Variants in PKHD1L1 observed in about 807,000 individuals in gnomAD.
PKHD1L1 encodes the protein fibrocystin-L.
In PKHD1L1, 434 loss-of-function variants were observed where a neutral mutation model predicts 462.9. The ratio of observed to expected loss-of-function variants is 0.94; its 90% confidence interval spans 0.87 to 1.02. The LOEUF (loss-of-function observed/expected upper bound fraction) is 1.02. PKHD1L1 is among the 50% of genes least tolerant of loss of function. The pLI is 0.00. For missense variants in PKHD1L1, 5,202 were observed against 5,096.1 expected (o/e 1.02, Z -0.63); for synonymous variants, 1,781 against 1,750.0 (o/e 1.02, Z -0.44).
In PKHD1L1 at chr8:109,382,659, A is replaced by G. The variant is rs575595019; in HGVS notation, c.417+88A>G. 4.2e-4 allele frequency: 388 copies of G among 913,830 alleles called. 11 individuals carry two copies. The South Asian group carries it at 8.2e-3, about 19-fold the overall frequency. The allele number at this position is 913,830 out of a possible 1,614,324, so 56.6% of individuals were successfully genotyped here. A position where few individuals can be genotyped will look rare whatever the true frequency, so the allele number is the denominator to read the frequency against. ...GAATTTTTCCTTTTTAGTTTTATAG[A>G]CTATTTCCACATTTAAAAATACATT... On this transcript the variant is annotated intron_variant, in intron 4 of 77. Coordinates refer to ENST00000378402, the MANE Select transcript of PKHD1L1 (RefSeq NM_177531.6).
intron 58 of PKHD1L1, 56 bp from the exon 59 acceptor site, chr8:109,486,592 A>G: frequency 6.5e-7 from 1 of 1,541,390 alleles, no homozygotes. Flanking sequence ...CAAAGGAACT[A>G]GTAAAGACAG....
At chr8:109,456,972 T>G (rs185061987) in intron 46 of PKHD1L1, among the ~76,000 whole-genome samples, 11 of 152,258 alleles carry the variant, frequency 7.2e-5, no homozygotes, top group African/African-American at 2.4e-4. Flanking sequence ...CCGAAACTAC[T>G]TATGACCCTT....
intron 21 of PKHD1L1, 70 bp from the exon 22 acceptor site, chr8:109,419,027 T>C: frequency 7.6e-7 from 1 of 1,316,484 alleles, no homozygotes; most frequent in Non-Finnish European, 1.0e-6. Context: ...AAAATTTTAA[T>C]GCTTTCTAAA....
At chr8:109,411,885 C>T (rs1340399866) in intron 19 of PKHD1L1, among the ~76,000 whole-genome samples, 1 of 152,100 alleles carries the variant, frequency 6.6e-6, no homozygotes, top group Non-Finnish European at 1.5e-5. Flanking sequence ...GACGGGTGGC[C>T]TCTATCTACA....
intron 7 of PKHD1L1, 90 bp from the exon 8 acceptor site, chr8:109,388,989 C>A (rs898554393): frequency 9.2e-6 from 8 of 868,062 alleles, no homozygotes; most frequent in Non-Finnish European, 1.2e-5. Context: ...GATTCATATT[C>A]TGAAATTAAT....
chr8:109,476,122 T>C lies in PKHD1L1; in HGVS notation c.8758-386T>C, dbSNP rs542748103. 1.1e-4 allele frequency among the ~76,000 whole-genome samples: 16 copies of C among 152,118 alleles called. No homozygotes were observed. The South Asian group carries it at 1.9e-3, about 18-fold the overall frequency. ...AACATTATAGAAATAAAATATTGTC[T>C]ACAATTTTATCTGTCAGTTTTTAAA... On this transcript the variant is annotated intron_variant, in intron 51 of 77. Coordinates refer to ENST00000378402, the MANE Select transcript of PKHD1L1 (RefSeq NM_177531.6).
intron 23 of PKHD1L1, among the ~76,000 whole-genome samples, chr8:109,422,304 C>G (rs1814514613): frequency 6.6e-6 from 1 of 151,716 alleles, no homozygotes; most frequent in African/African-American, 2.4e-5. Context: ...CAGAACAGTT[C>G]TATTACGAGC....
intron 55 of PKHD1L1, 89 bp from the exon 56 acceptor site, chr8:109,481,344 C>A: frequency 1.7e-6 from 2 of 1,211,178 alleles, no homozygotes; most frequent in Non-Finnish European, 1.1e-6. Context: ...TTTTACTAGG[C>A]TTCCAGTGAC....
rs181639001 is a variant in PKHD1L1 at position 109,526,701 on chromosome 8, A to G, written c.12485-83A>G. 234 of 1,170,306 alleles carry G rather than the reference A, an allele frequency of 2.0e-4. 1 individual carries two copies. The African/African-American group carries it at 3.0e-3, about 15-fold the overall frequency. The allele number at this position is 1,170,306 out of a possible 1,614,324, so 72.5% of individuals were successfully genotyped here. A position where few individuals can be genotyped will look rare whatever the true frequency, so the allele number is the denominator to read the frequency against. ...CATCAGGATCTATATAGTGTTTTTC[A>G]GTCAATGAAAATCAAATGGGAACGG... On this transcript the variant is annotated intron_variant, in intron 76 of 77. Coordinates refer to ENST00000378402, the MANE Select transcript of PKHD1L1 (RefSeq NM_177531.6).
intron 2 of PKHD1L1, among the ~76,000 whole-genome samples, chr8:109,369,922 G>C (rs1230573104): frequency 6.6e-6 from 1 of 152,048 alleles, no homozygotes; most frequent in Non-Finnish European, 1.5e-5. Context: ...TTTAGTTTAT[G>C]CCGGATGAGT....
chr8:109,394,444 T>C lies in PKHD1L1; in HGVS notation c.770T>C (p.Val257Ala). ...RSFPQKMAYF[V>A]SSLNKIAMFQ... Reference sequence around the variant, plus strand: ...TTTCCACAGAAAATGGCATATTTTGTTTCTTCTCTCAATAAAATTGCAATG... The same window carrying C: ...TTTCCACAGAAAATGGCATATTTTGCTTCTTCTCTCAATAAAATTGCAATG... Residue 257 changes from valine to alanine, a missense_variant, in exon 10 of 78, where the codon GTT (valine) becomes GCT (alanine). Physicochemically the swap from Val to Ala is moderately conservative, Grantham distance 64 (BLOSUM62 0). Around this residue, in one of 3 missense-constraint regions of PKHD1L1, gnomAD observed 4,497 missense variants for 4,336.8 expected, o/e 1.04. Transcript: ENST00000378402. 6.5e-7 allele frequency: 1 copy of C among 1,531,196 alleles called. No individual in the cohort carries two copies. The highest frequency in any genetic ancestry group is 8.8e-7 in the Non-Finnish European group (1 of 1,134,566). The allele number at this position is 1,531,196 out of a possible 1,614,324, so 94.9% of individuals were successfully genotyped here.
chr8:109,383,310 A>T (rs1359330439), intron 4 of PKHD1L1, among the ~76,000 whole-genome samples: 9 of 108,984 alleles, frequency 8.3e-5, no homozygotes, highest in African/African-American at 3.4e-4. Context: ...ATACAATTAT[A>T]CATAATATAT....
intron 50 of PKHD1L1, among the ~76,000 whole-genome samples, chr8:109,473,518 G>GAA (rs1018548199): frequency 6.9e-5 from 9 of 131,098 alleles, no homozygotes; most frequent in Non-Finnish European, 3.3e-5. Flanking sequence ...TCCATCTCAA[G>GAA]AAAAAAAAAA....
At position 109,533,496 on chromosome 8, in the gene PKHD1L1, A is replaced by C. The variant is rs1586678181; in HGVS notation, c.*3406A>C. 6.6e-6 allele frequency among the ~76,000 whole-genome samples: 1 copy of C among 152,356 alleles called. No homozygotes were observed. The highest frequency in any genetic ancestry group is 2.1e-4 in the South Asian group (1 of 4,830). ...TAATTATTAGAATTATTGGCTGGGC[A>C]CTGGGCCACCTAGAACAAAGACAAT... is the stretch of plus-strand genomic sequence containing the variant. On this transcript the variant is annotated 3_prime_UTR_variant, in exon 78 of 78. Transcript: ENST00000378402.
At chr8:109,520,256 C>T (rs1479053426) in intron 73 of PKHD1L1, among the ~76,000 whole-genome samples, 2 of 152,020 alleles carry the variant, frequency 1.3e-5, no homozygotes, top group Non-Finnish European at 2.9e-5. Context: ...GGTTTGGACT[C>T]AGCATGACTT....
chr8:109,382,973 G>A (rs913060099), intron 4 of PKHD1L1, among the ~76,000 whole-genome samples: 1 of 146,304 alleles, frequency 6.8e-6, no homozygotes, highest in African/African-American at 2.5e-5. Context: ...TCAAAATTTA[G>A]CTGCCCTAAA....
rs1820016375 is a variant in PKHD1L1 at position 109,512,039 on chromosome 8, G to T, written c.11553+1105G>T. 2.0e-5 allele frequency among the ~76,000 whole-genome samples: 3 copies of T among 152,040 alleles called. No homozygotes were observed. In the South Asian group the frequency reaches 6.2e-4, roughly 32 times the overall value. ...TGTCCTTTGCCCACTTTTTGATGGG[G>T]TTGTTTGTTTTTTTCTTGTAAATTT... On this transcript the variant is annotated intron_variant, in intron 71 of 77. Coordinates refer to ENST00000378402, the MANE Select transcript of PKHD1L1 (RefSeq NM_177531.6).
At chr8:109,451,213 T>C in intron 41 of PKHD1L1, 64 bp downstream of exon 41, 1 of 1,484,712 alleles carries the variant, frequency 6.7e-7, no homozygotes, top group Non-Finnish European at 9.1e-7. Context: ...ACTCCTGCTT[T>C]CTCCTATGCC....
At position 109,400,326 on chromosome 8, in the gene PKHD1L1, T is replaced by TG; in HGVS notation, c.1265dup (p.Leu423ThrfsTer5). ...GTTATGCTATTTATTTTAGCCAGAC[T>TG]GGACTTCCAGAAGATAAGGTAGGGA... On this transcript the variant is annotated frameshift_variant, in exon 13 of 78. Coordinates refer to ENST00000378402, the MANE Select transcript of PKHD1L1 (RefSeq NM_177531.6). LOFTEE classifies it high-confidence loss of function. 3 of 1,613,074 alleles carry TG rather than the reference T, an allele frequency of 1.9e-6. No homozygotes were observed. Among genetic ancestry groups the TG allele is most frequent in the Non-Finnish European group, 2.5e-6 (3 of 1,179,298 alleles).
Sources: gnomAD v4.1 joint callset for allele counts (sites outside exome capture counted in the v4.1 genomes callset) on GRCh38, gnomAD v4.1.1 for gene constraint, gnomAD v4.1.1 regional missense constraint, MANE v1.5 for transcripts, NCBI Gene and HGNC (gene_info 2026-07-23, HGNC 2026-07-21) for gene names.